Variants in TASOR2 observed in about 807,000 individuals in gnomAD.
TASOR2 encodes transcription activation suppressor family member 2.
TASOR2 carries 84 observed loss-of-function variants against 199.5 expected under a neutral mutation model. That is an observed-to-expected ratio of 0.42 (90% CI 0.35 to 0.50). The LOEUF is 0.50. Ranked by LOEUF, TASOR2 falls within the 20% of genes least tolerant of loss-of-function variation. The pLI is 0.02. For synonymous variants in TASOR2, 1,103 were observed against 1,046.6 expected, an observed-to-expected ratio of 1.05 and a Z score of -1.04; for missense variants, 2,796 against 2,835.9, an observed-to-expected ratio of 0.99 and a Z score of 0.32.
rs1008904216 is a variant in TASOR2 at position 5,699,219 on chromosome 10, C to A, written c.-287-13604C>A. Among the ~76,000 whole-genome samples, 2 of 152,108 alleles carry A rather than the reference C, an allele frequency of 1.3e-5. No homozygotes were observed. Among genetic ancestry groups the A allele is most frequent in the East Asian group, 3.8e-4 (2 of 5,206 alleles). On this transcript the variant is annotated intron_variant, in intron 1 of 20. Coordinates refer to ENST00000328090, the Ensembl canonical transcript of TASOR2. The surrounding 1 kb of genome is among the most constrained non-coding windows in gnomAD (Gnocchi z 4.1). The stretch of plus-strand genomic sequence containing the variant: ...AACAGGCTAAGTGAAAGAAGCCAAT[C>A]ATGAAGGACCGCGTGCTGTATGACT...
At chr10:5,700,980 T>TC (rs1837763840) in intron 1 of TASOR2, among the ~76,000 whole-genome samples, 1 of 151,738 alleles carries the variant, frequency 6.6e-6, no homozygotes, top group African/African-American at 2.4e-5. Context: ...GCTTTTTTTT[T>TC]AGCTTGATGT....
At position 5,689,669 on chromosome 10, in the gene TASOR2, TG is replaced by T. The variant is rs1341011982; in HGVS notation, c.-288+4495del. 6.6e-6 allele frequency among the ~76,000 whole-genome samples: 1 copy of T among 152,262 alleles called. No homozygotes were observed. The highest frequency in any genetic ancestry group is 2.4e-5 in the African/African-American group (1 of 41,476). ...TCTTCTTAAATCTGTAAATTGGAGA[TG>T]TTTTTAAATGTGTTTATTCATAATT... is the stretch of plus-strand genomic sequence containing the variant. On this transcript the variant is annotated intron_variant, in intron 1 of 20. Coordinates refer to ENST00000328090, the Ensembl canonical transcript of TASOR2. This position sits in a 1 kb window ranked among gnomAD's most constrained non-coding sequence, Gnocchi z 4.1.
intron 1 of TASOR2, among the ~76,000 whole-genome samples, chr10:5,691,661 G>T (rs1836439390): frequency 6.6e-6 from 1 of 152,094 alleles, no homozygotes; most frequent in South Asian, 2.1e-4. Flanking sequence ...TACTAATTAG[G>T]CTTTCTTCTG....
At chr10:5,757,526 T>C (rs1371054818) in exon 17 of TASOR2, 1 of 1,601,006 alleles carries the variant, frequency 6.2e-7, no homozygotes, top group Non-Finnish European at 8.5e-7. Flanking sequence ...GCAGATTCCT[T>C]CTTTGCTGAA....
chr10:5,721,245 A>T (rs1833318906), intron 6 of TASOR2, among the ~76,000 whole-genome samples: 1 of 152,236 alleles, frequency 6.6e-6, no homozygotes, highest in Non-Finnish European at 1.5e-5. Context: ...GATTTGCCTG[A>T]TAGCAAATAT....
rs1425121917 is a variant in TASOR2 at position 5,706,831 on chromosome 10, C to T, written c.-287-5992C>T. 2.0e-5 allele frequency among the ~76,000 whole-genome samples: 3 copies of T among 151,936 alleles called. No homozygotes were observed. The highest frequency in any genetic ancestry group is 2.0e-4 in the Admixed American group (3 of 15,246). ...CAACCTGGCTAACATGGTGAAATCC[C>T]ATCTCTACTAAAAATACAAAAATTA... On this transcript the variant is annotated intron_variant, in intron 1 of 20. Coordinates refer to ENST00000328090, the Ensembl canonical transcript of TASOR2. The surrounding 1 kb of genome is among the most constrained non-coding windows in gnomAD (Gnocchi z 4.8).
rs1205186740 is a variant in TASOR2, at chr10:5,730,099, TAAAAC to T, written c.488-383_488-379del. On this transcript the variant is annotated intron_variant, in intron 10 of 20. Coordinates refer to ENST00000328090, the Ensembl canonical transcript of TASOR2. This position sits in a 1 kb window ranked among gnomAD's most constrained non-coding sequence, Gnocchi z 4.1. ...GGTACAGCTACAGTAAAATAAATTT[TAAAAC>T]AAAATAAGAAAAAGTACGAAAGCAA... Among the ~76,000 whole-genome samples the T allele has an allele frequency of 3.3e-5, 5 of 152,182 alleles. No homozygotes were observed. Among genetic ancestry groups the T allele is most frequent in the African/African-American group, 9.6e-5 (4 of 41,452 alleles).
At chr10:5,697,104 A>G (rs955623964) in intron 1 of TASOR2, among the ~76,000 whole-genome samples, 3 of 152,226 alleles carry the variant, frequency 2.0e-5, no homozygotes, top group African/African-American at 7.2e-5. Context: ...GAAAGGGCCT[A>G]TTAAGCGCCC....
chr10:5,724,545 T>A lies in TASOR2; in HGVS notation c.351+12T>A. Reference sequence around the variant, plus strand: ...AAAACAAGCAATTGGTAAGCATCACTAATTTAAAATATAATTATTATGTTT... The same window carrying A: ...AAAACAAGCAATTGGTAAGCATCACAAATTTAAAATATAATTATTATGTTT... On this transcript the variant is annotated intron_variant, in intron 8 of 20. Transcript: ENST00000328090. 3 of 1,179,356 alleles carry A rather than the reference T, an allele frequency of 2.5e-6. No individual in the cohort carries two copies. The highest frequency in any genetic ancestry group is 3.4e-6 in the Non-Finnish European group (3 of 881,016). The allele number at this position is 1,179,356 out of a possible 1,614,324, so 73.1% of individuals were successfully genotyped here. A position where few individuals can be genotyped will look rare whatever the true frequency, so the allele number is the denominator to read the frequency against.
chr10:5,749,151 G>A lies in TASOR2; in HGVS notation c.5730G>A (p.Pro1910=), dbSNP rs781619796. 2.7e-4 allele frequency: 379 copies of A among 1,413,708 alleles called. 2 individuals carry two copies. Among genetic ancestry groups the A allele is most frequent in the African/African-American group, 1.2e-4 (6 of 49,478 alleles). 87.6% of individuals were successfully genotyped at this position (1,413,708 alleles called of 1,614,324 possible). Residue 1910 remains proline (P), a synonymous_variant, in exon 15 of 21, where the codon CCG becomes CCA. Transcript: ENST00000328090. ...TAAAGAAAGAAGAGAAGTGTGTGCC[G>A]CCTTACGTCCAAATCCGAGATCTCC...
At chr10:5,753,237 GCTC>G (rs1404035969) in intron 15 of TASOR2, among the ~76,000 whole-genome samples, 1 of 152,132 alleles carries the variant, frequency 6.6e-6, no homozygotes. Context: ...CTGCAAGGTG[GCTC>G]CTATTTTGAG....
exon 15 of TASOR2, chr10:5,749,168 G>A (rs766756837): frequency 3.1e-6 from 5 of 1,613,952 alleles, no homozygotes; most frequent in Middle Eastern, 1.6e-4. Flanking sequence ...GTCCAAATCC[G>A]AGATCTCCAC....
At position 5,748,901 on chromosome 10, in the gene TASOR2, C is replaced by A. The variant is rs768371895; in HGVS notation, c.5480C>A (p.Ser1827Tyr). 3.5e-5 allele frequency: 57 copies of A among 1,614,152 alleles called. No individual in the cohort carries two copies. The highest frequency in any genetic ancestry group is 4.7e-5 in the Non-Finnish European group (55 of 1,180,026). ...AATTCCGACATGCACTATGAACTCT[C>A]TGGAGATTCTGATCTAGACCTGCTT... The change falls in exon 15 of 21, where the codon TCT (serine) becomes TAT (tyrosine). Residue 1827 changes from serine (S) to tyrosine (Y), a missense_variant. Around this residue, in one of 3 missense-constraint regions of TASOR2, gnomAD observed 1,941 missense variants for 1,924.9 expected, o/e 1.01. Transcript: ENST00000328090. The surrounding 1 kb of genome is among the most constrained non-coding windows in gnomAD (Gnocchi z 5.1).
chr10:5,709,487 T>C, intron 1 of TASOR2: 1 of 1,173,392 alleles, frequency 8.5e-7, no homozygotes, highest in Non-Finnish European at 1.1e-6. Context: ...ATGCTATAAA[T>C]AGAATTGTTC....
intron 15 of TASOR2, among the ~76,000 whole-genome samples, chr10:5,753,309 A>G (rs761858872): frequency 6.6e-6 from 1 of 152,180 alleles, no homozygotes; most frequent in Non-Finnish European, 1.5e-5. Context: ...TCTTTAGCCT[A>G]ATTGTATTCT....
At position 5,713,188 on chromosome 10, in the gene TASOR2, A is replaced by G. The variant is rs377511472; in HGVS notation, c.-192+270A>G. On this transcript the variant is annotated intron_variant, in intron 2 of 20. Coordinates refer to ENST00000328090, the Ensembl canonical transcript of TASOR2. The stretch of plus-strand genomic sequence containing the variant: ...ATTAAAACAGTTTTCTTTAGTGTCA[A>G]TAATGGCCTTTACTAGAGTGAATGG... Among the ~76,000 whole-genome samples, 19 of 152,214 alleles carry G rather than the reference A, an allele frequency of 1.2e-4. No individual in the cohort carries two copies. In the South Asian group the frequency reaches 1.4e-3, roughly 12 times the overall value.
At chr10:5,703,394 T>A (rs1838148044) in intron 1 of TASOR2, among the ~76,000 whole-genome samples, 1 of 152,144 alleles carries the variant, frequency 6.6e-6, no homozygotes, top group South Asian at 2.1e-4. Context: ...ATTAATTTTA[T>A]GAATAAATTG....
intron 1 of TASOR2, among the ~76,000 whole-genome samples, chr10:5,688,323 C>A (rs1324211042): frequency 6.6e-6 from 1 of 151,228 alleles, no homozygotes; most frequent in African/African-American, 2.4e-5. Context: ...CTCCTGGGTT[C>A]AAACAATCCT....
chr10:5,742,992 G>A lies in TASOR2; in HGVS notation c.2757+466G>A, dbSNP rs1836653479. ...GCTGGAATAGTAAAATGCCAGACCT[G>A]TGAAAGAAGACCCATTGCAAATAAC... is the stretch of plus-strand genomic sequence containing the variant. On this transcript the variant is annotated intron_variant, in intron 14 of 20. Coordinates refer to ENST00000328090, the Ensembl canonical transcript of TASOR2. The surrounding 1 kb of genome is among the most constrained non-coding windows in gnomAD (Gnocchi z 4.2). Among the ~76,000 whole-genome samples the A allele has an allele frequency of 6.6e-6, 1 of 152,180 alleles. No individual in the cohort carries two copies. Among genetic ancestry groups the A allele is most frequent in the African/African-American group, 2.4e-5 (1 of 41,442 alleles).
Sources: gnomAD v4.1 joint callset for allele counts (sites outside exome capture counted in the v4.1 genomes callset) on GRCh38, gnomAD v4.1.1 for gene constraint, gnomAD v4.1.1 regional missense constraint, Gnocchi (gnomAD v3.1) non-coding constraint, MANE v1.5 for transcripts, NCBI Gene and HGNC (gene_info 2026-07-23, HGNC 2026-07-21) for gene names.